The following USP34 variants were observed in gnomAD, a reference collection of about 807,000 sequenced individuals.
USP34 encodes ubiquitin specific peptidase 34.
A neutral mutation model predicts 460.3 loss-of-function variants in USP34; 70 were observed. That is an observed-to-expected ratio of 0.15 (90% CI 0.13 to 0.19). The LOEUF is 0.19. Ranked by LOEUF, USP34 falls within the 10% of genes least tolerant of loss-of-function variation. The pLI, the probability that USP34 is intolerant of heterozygous loss-of-function variation, is 1.00. For synonymous variants in USP34, 1,647 were observed against 1,405.3 expected (o/e 1.17, Z -3.85); for missense variants, 3,985 against 4,236.2 (o/e 0.94, Z 1.65).
At chr2:61,262,697 T>C (rs182494094) in intron 43 of USP34, among the ~76,000 whole-genome samples, 185 of 152,300 alleles carry the variant, frequency 1.2e-3, no homozygotes, top group African/African-American at 4.3e-3. Flanking sequence ...TTTGGGTATA[T>C]ACCCAATGGA....
At chr2:61,196,889 C>G (rs990932402) in intron 75 of USP34, among the ~76,000 whole-genome samples, 3 of 152,188 alleles carry the variant, frequency 2.0e-5, no homozygotes, top group African/African-American at 7.2e-5. Context: ...CCAGCACTAC[C>G]ACGACAAACA....
chr2:61,291,259 T>C (rs114383150), intron 33 of USP34, among the ~76,000 whole-genome samples: 46 of 152,244 alleles, frequency 3.0e-4, no homozygotes, highest in Non-Finnish European at 6.3e-4. Context: ...GGTACCACTT[T>C]ACACACTAGG....
intron 41 of USP34, among the ~76,000 whole-genome samples, chr2:61,276,569 T>C (rs1038511135): frequency 1.3e-5 from 2 of 152,160 alleles, no homozygotes; most frequent in African/African-American, 4.8e-5. Context: ...GGGAATATTC[T>C]TTTTTTGTAC....
In USP34 at chr2:61,188,036, A is replaced by AAACTT. The variant is rs911750526; in HGVS notation, c.*61_*65dup. The AAACTT allele has an allele frequency of 3.3e-5, 50 of 1,535,748 alleles. No individual in the cohort carries two copies. In the Admixed American group the frequency reaches 3.6e-4, roughly 11 times the overall value. On this transcript the variant is annotated 3_prime_UTR_variant, in exon 80 of 80. Transcript: ENST00000398571. The stretch of plus-strand genomic sequence containing the variant: ...ACTGAAGCACAAAAACAAATAAGCA[A>AAACTT]AACTTATACAAACAGCATGGGGGTT...
At chr2:61,201,923 T>C (rs1023517260) in intron 75 of USP34, among the ~76,000 whole-genome samples, 1 of 152,232 alleles carries the variant, frequency 6.6e-6, no homozygotes, top group Non-Finnish European at 1.5e-5. Context: ...TTACTGCCAA[T>C]GATGGGTTTT....
chr2:61,332,303 C>A (rs1411358068), intron 19 of USP34, among the ~76,000 whole-genome samples: 1 of 151,964 alleles, frequency 6.6e-6, no homozygotes, highest in South Asian at 2.1e-4. Context: ...CAATAAATGA[C>A]AGCTTTTGTT....
At chr2:61,280,790 T>C (rs1689512717) in intron 38 of USP34, among the ~76,000 whole-genome samples, 2 of 152,204 alleles carry the variant, frequency 1.3e-5, no homozygotes, top group Admixed American at 6.6e-5. Flanking sequence ...GCTCCATTTA[T>C]GATTTTTTAT....
intron 27 of USP34, among the ~76,000 whole-genome samples, chr2:61,308,828 C>G (rs1690494232): frequency 6.6e-6 from 1 of 152,170 alleles, no homozygotes; most frequent in East Asian, 1.9e-4. Flanking sequence ...AAAGCTTGAG[C>G]TCAAGAGTTT....
rs941344932 is a variant in USP34, at chr2:61,438,584, G to C, written c.44-17751C>G. Reference sequence around the variant, plus strand: ...CACTGCACTCCAGCCTGGGCGACAAGAGTGAGACTCCATCTCAAAAACAAA... The same window carrying C: ...CACTGCACTCCAGCCTGGGCGACAACAGTGAGACTCCATCTCAAAAACAAA... On this transcript the variant is annotated intron_variant, in intron 1 of 79. Coordinates refer to ENST00000398571, the MANE Select transcript of USP34 (RefSeq NM_014709.4). 2.6e-5 allele frequency among the ~76,000 whole-genome samples: 4 copies of C among 151,256 alleles called. No homozygotes were observed. In the East Asian group the frequency reaches 7.7e-4, roughly 29 times the overall value.
intron 1 of USP34, among the ~76,000 whole-genome samples, chr2:61,440,777 C>CA (rs764408274): frequency 4.6e-5 from 7 of 151,704 alleles, no homozygotes; most frequent in Non-Finnish European, 8.8e-5. Context: ...CTTGGCCTCC[C>CA]AAAGTGCTGG....
chr2:61,470,561 C>T (rs1421802168), intron 1 of USP34, 89 bp downstream of exon 1: 1 of 944,580 alleles, frequency 1.1e-6, no homozygotes, highest in South Asian at 1.4e-5. Flanking sequence ...CCGTCGCCTC[C>T]CGCAGGCCGC....
chr2:61,295,309 G>C lies in USP34; in HGVS notation c.4255-19C>G. 1.3e-6 allele frequency: 2 copies of C among 1,570,724 alleles called. No homozygotes were observed. The highest frequency in any genetic ancestry group is 1.7e-6 in the Non-Finnish European group (2 of 1,163,166). ...CATTACTCTTAAATTAGAAAAACAT[G>C]TTTCTCAAGCCAACTTACTCAGGGA... On this transcript the variant is annotated intron_variant, in intron 30 of 79. Transcript: ENST00000398571.
chr2:61,414,575 TAGG>T (rs1008874397), intron 2 of USP34, among the ~76,000 whole-genome samples: 7 of 152,300 alleles, frequency 4.6e-5, no homozygotes, highest in African/African-American at 1.7e-4. Context: ...AGATCCAAGA[TAGG>T]AGATGTTACC....
At chr2:61,221,834 G>C (rs1019292380) in intron 65 of USP34, 1 of 376,854 alleles carries the variant, frequency 2.7e-6, no homozygotes, top group Non-Finnish European at 4.7e-6. Flanking sequence ...GATGTCAAGA[G>C]TATTTTGGAA....
intron 16 of USP34, among the ~76,000 whole-genome samples, chr2:61,341,487 T>G (rs1215655952): frequency 6.6e-6 from 1 of 152,172 alleles, no homozygotes; most frequent in Non-Finnish European, 1.5e-5. Flanking sequence ...CCCTCATGAA[T>G]GTCTTCATGC....
At chr2:61,296,423 A>G (rs1374924139) in intron 30 of USP34, among the ~76,000 whole-genome samples, 1 of 152,224 alleles carries the variant, frequency 6.6e-6, no homozygotes, top group East Asian at 1.9e-4. Flanking sequence ...GTTAATTTGT[A>G]TAAGCACACA....
At position 61,235,811 on chromosome 2, in the gene USP34, A is replaced by C. The variant is rs1316311378; in HGVS notation, c.7032+34T>G. 3.8e-6 allele frequency: 6 copies of C among 1,594,358 alleles called. No individual in the cohort carries two copies. The African/African-American group carries it at 5.4e-5, about 14-fold the overall frequency. On this transcript the variant is annotated intron_variant, in intron 57 of 79. Transcript: ENST00000398571. ...AGGGGGGGAAAAAAAAAAGAATCTTAAACTATGCATTAGTTGTTGAATTAT... is the reference window on the plus strand; with the variant it reads ...AGGGGGGGAAAAAAAAAAGAATCTTCAACTATGCATTAGTTGTTGAATTAT...
intron 41 of USP34, among the ~76,000 whole-genome samples, chr2:61,277,237 CTTTTT>C (rs11351343): frequency 2.2e-5 from 3 of 138,138 alleles, no homozygotes; most frequent in Non-Finnish European, 3.2e-5. Context: ...TATAGGTTAC[CTTTTT>C]TTTTTTTTTT....
chr2:61,362,279 T>G (rs967647835), intron 10 of USP34, among the ~76,000 whole-genome samples: 1 of 152,116 alleles, frequency 6.6e-6, no homozygotes, highest in South Asian at 2.1e-4. Flanking sequence ...AGAACTATCT[T>G]ATGTTATGAT....
Sources: allele counts gnomAD v4.1 joint callset (sites outside exome capture counted in the v4.1 genomes callset), GRCh38; gene constraint gnomAD v4.1.1; transcripts MANE v1.5; gene names NCBI Gene and HGNC (gene_info 2026-07-23, HGNC 2026-07-21).